The following ZNF469 variants were observed in gnomAD, a reference collection of about 807,000 sequenced individuals.
ZNF469 encodes zinc finger protein 469.
A neutral mutation model predicts 1.0 loss-of-function variants in ZNF469; 1 was observed. The observed-to-expected ratio is 1.00, with a 90% confidence interval of 0.35 to 4.73. The LOEUF is 4.73. Ranked by LOEUF, ZNF469 falls within the 30% of genes most tolerant of loss-of-function variation. The pLI, the probability that ZNF469 is intolerant of heterozygous loss-of-function variation, is 0.16. For missense variants in ZNF469, 6,100 were observed against 5,356.3 expected (o/e 1.14, Z -4.33); for synonymous variants, 2,703 against 2,363.4 (o/e 1.14, Z -4.17).
chr16:88,430,451 C>T lies in ZNF469; in HGVS notation c.2981C>T (p.Pro994Leu). 6.7e-7 allele frequency: 1 copy of T among 1,496,124 alleles called. No homozygotes were observed. Among genetic ancestry groups the T allele is most frequent in the Non-Finnish European group, 8.9e-7 (1 of 1,128,454 alleles). 92.7% of individuals were successfully genotyped at this position (1,496,124 alleles called of 1,614,324 possible). ...DGLGERPPPR[P>L]RRPRTQAPGS... ...CTCGGGGAGCGGCCCCCACCCCGTC[C>T]CCGGCGCCCTAGAACGCAGGCCCCC... Residue 994 changes from proline (P) to leucine (L), a missense_variant, in exon 3 of 3, where the codon CCC becomes CTC. Physicochemically the swap from Pro to Leu is moderately conservative, Grantham distance 98. Coordinates refer to ENST00000565624, the MANE Select transcript of ZNF469 (RefSeq NM_001367624.2).
the ZNF469 span, among the ~76,000 whole-genome samples, chr16:88,137,557 G>A: frequency 1.8e-4 from 27 of 152,196 alleles, no homozygotes; most frequent in South Asian, 2.7e-3. Flanking sequence ...TGTGCATACC[G>A]CCATGCATGT....
chr16:88,221,058 AC>A, the ZNF469 span, among the ~76,000 whole-genome samples: 2 of 152,008 alleles, frequency 1.3e-5, no homozygotes, highest in Non-Finnish European at 2.9e-5. Context: ...TTAATCAGGG[AC>A]CCAGTTCAAG....
At chr16:88,401,813 A>G (rs1180277700) in intron 1 of ZNF469, among the ~76,000 whole-genome samples, 1 of 145,890 alleles carries the variant, frequency 6.9e-6, no homozygotes, top group Admixed American at 6.9e-5. Flanking sequence ...TGGATGGTAG[A>G]TGGATGCTTG....
the ZNF469 span, among the ~76,000 whole-genome samples, chr16:88,139,868 C>A: frequency 1.3e-5 from 2 of 152,208 alleles, no homozygotes; most frequent in African/African-American, 4.8e-5. Context: ...ATTCACAGAA[C>A]CCCAGGCCAG....
chr16:88,418,142 G>C (rs1208882064), intron 1 of ZNF469, among the ~76,000 whole-genome samples: 2 of 152,218 alleles, frequency 1.3e-5, no homozygotes, highest in Non-Finnish European at 1.5e-5. Flanking sequence ...GCCCAGGATG[G>C]GGGCAAGCAG....
rs764025593 is a variant in ZNF469 at position 88,434,454 on chromosome 16, G to A, written c.6984G>A (p.Ser2328=). 4.0e-5 allele frequency: 62 copies of A among 1,549,616 alleles called. 1 individual carries two copies. Among genetic ancestry groups the A allele is most frequent in the Middle Eastern group, 1.7e-4 (1 of 6,014 alleles). The change falls in exon 3 of 3, where the codon TCG becomes TCA. Residue 2328 remains serine (S), a synonymous_variant. Transcript: ENST00000565624. ...NPDRMPRGHS[S]YSPSNTARLG... is the part of the protein sequence containing the mutation. ...ACAGGATGCCCAGGGGCCACTCCTC[G>A]TATTCTCCAAGCAATACTGCCCGCC...
At chr16:88,364,377 A>G in the ZNF469 span, among the ~76,000 whole-genome samples, 2 of 151,434 alleles carry the variant, frequency 1.3e-5, no homozygotes, top group South Asian at 4.2e-4. Flanking sequence ...GGAAGTCACA[A>G]TATCTTGTGG....
the ZNF469 span, among the ~76,000 whole-genome samples, chr16:88,101,517 ATGT>A: frequency 7.4e-5 from 11 of 148,712 alleles, 1 homozygote; most frequent in Admixed American, 2.0e-4. Flanking sequence ...TTAGCTAAAC[ATGT>A]TGTTAAACGT....
At chr16:88,130,944 G>A in the ZNF469 span, among the ~76,000 whole-genome samples, 6 of 152,340 alleles carry the variant, frequency 3.9e-5, no homozygotes, top group African/African-American at 1.4e-4. Flanking sequence ...GTGGCGTCCC[G>A]ATGAGGACGA....
the ZNF469 span, among the ~76,000 whole-genome samples, chr16:88,250,071 C>T: frequency 1.3e-5 from 2 of 152,240 alleles, no homozygotes; most frequent in African/African-American, 4.8e-5. Context: ...CTTTGCAATT[C>T]AAGTATAATG....
chr16:88,170,941 G>A, the ZNF469 span, among the ~76,000 whole-genome samples: 11 of 152,122 alleles, frequency 7.2e-5, no homozygotes, highest in African/African-American at 1.9e-4. This position sits in a 1 kb window ranked among gnomAD's most constrained non-coding sequence, Gnocchi z 4.2. Context: ...AGACTTCCCC[G>A]GGCTGCCACG....
At chr16:88,315,399 A>G in the ZNF469 span, among the ~76,000 whole-genome samples, 1 of 152,132 alleles carries the variant, frequency 6.6e-6, no homozygotes, top group East Asian at 1.9e-4. Context: ...CATCTTCTCC[A>G]TCGCTGCCAG....
chr16:88,117,389 A>G, the ZNF469 span, among the ~76,000 whole-genome samples: 1 of 152,192 alleles, frequency 6.6e-6, no homozygotes, highest in African/African-American at 2.4e-5. Context: ...GTTTTTTTAC[A>G]AAAAGAAAAA....
intron 1 of ZNF469, among the ~76,000 whole-genome samples, chr16:88,400,909 G>A (rs993369731): frequency 3.3e-5 from 5 of 152,034 alleles, no homozygotes; most frequent in African/African-American, 1.2e-4. Context: ...GGCGGGGGCA[G>A]GAGATGGAGG....
At chr16:88,285,296 G>C in the ZNF469 span, among the ~76,000 whole-genome samples, 1 of 152,268 alleles carries the variant, frequency 6.6e-6, no homozygotes, top group African/African-American at 2.4e-5. Context: ...GGGCAGGTGA[G>C]GCCCTCAGGA....
Position 88,427,920 on chromosome 16 carries a change from G to A in ZNF469, c.450G>A (p.Val150=), listed in dbSNP as rs1359243849. Reference sequence around the variant, plus strand: ...TGGAGGCTGCCCAGCTCCCTGAGGTGGACACCCCCCAGGGCCCTGGGACTG... The same window carrying A: ...TGGAGGCTGCCCAGCTCCCTGAGGTAGACACCCCCCAGGGCCCTGGGACTG... The part of the protein sequence containing the change: ...PQLEAAQLPE[V]DTPQGPGTGA... Residue 150 remains valine (V), a synonymous_variant, in exon 3 of 3, where the codon GTG becomes GTA. Transcript: ENST00000565624. 4 of 1,549,852 alleles carry A rather than the reference G, an allele frequency of 2.6e-6. No homozygotes were observed. The highest frequency in any genetic ancestry group is 1.4e-5 in the African/African-American group (1 of 73,018).
At chr16:88,376,256 CA>C in the ZNF469 span, among the ~76,000 whole-genome samples, 11 of 152,228 alleles carry the variant, frequency 7.2e-5, no homozygotes, top group African/African-American at 2.7e-4. Flanking sequence ...CTGAGCTGAG[CA>C]AAATGTAAAT....
At chr16:88,114,894 A>T in the ZNF469 span, among the ~76,000 whole-genome samples, 2 of 152,244 alleles carry the variant, frequency 1.3e-5, no homozygotes, top group Non-Finnish European at 2.9e-5. Context: ...TGGGCACTGG[A>T]AACAGGCCAG....
In ZNF469 at chr16:88,431,480, C is replaced by T; in HGVS notation, c.4010C>T (p.Thr1337Ile). 6.4e-7 allele frequency: 1 copy of T among 1,550,424 alleles called. No homozygotes were observed. Among genetic ancestry groups the T allele is most frequent in the Non-Finnish European group, 8.7e-7 (1 of 1,146,988 alleles). Residue 1337 changes from threonine to isoleucine, a missense_variant, in exon 3 of 3, where the codon ACC (threonine) becomes ATC (isoleucine). Transcript: ENST00000565624. The part of the protein sequence containing the change: ...FLAPVANPSS[T>I]ACPKPSVLSS... ...GCACCCGTGGCTAACCCCTCAAGTA[C>T]CGCCTGCCCCAAACCCAGTGTTCTG...
Sources: gnomAD v4.1 joint callset for allele counts (sites outside exome capture counted in the v4.1 genomes callset) on GRCh38, gnomAD v4.1.1 for gene constraint, Gnocchi (gnomAD v3.1) non-coding constraint, MANE v1.5 for transcripts, NCBI Gene and HGNC (gene_info 2026-07-23, HGNC 2026-07-21) for gene names.